The following OPCML variants were observed in gnomAD, a reference collection of about 807,000 sequenced individuals.
OPCML encodes the protein opioid binding protein/cell adhesion molecule like, also known as opioid-binding protein/cell adhesion molecule.
OPCML carries 13 observed loss-of-function variants against 37.8 expected under a neutral mutation model. The observed-to-expected ratio is 0.34, with a 90% CI of 0.22 to 0.55. The LOEUF is 0.55. OPCML is among the 20% of genes least tolerant of loss of function. The pLI, the probability that OPCML is intolerant of heterozygous loss-of-function variation, is 0.91. For missense variants in OPCML, 341 were observed against 435.6 expected, an observed-to-expected ratio of 0.78 and a Z score of 1.93; for synonymous variants, 176 against 168.8, an observed-to-expected ratio of 1.04 and a Z score of -0.33.
At chr11:133,245,995 C>T (rs1239407464) in intron 1 of OPCML, among the ~76,000 whole-genome samples, 5 of 151,944 alleles carry the variant, frequency 3.3e-5, no homozygotes, top group Non-Finnish European at 7.4e-5. Flanking sequence ...GGAGGGAGAG[C>T]ATTAGGACAA....
At chr11:133,256,040 G>T (rs1006313229) in intron 1 of OPCML, among the ~76,000 whole-genome samples, 1 of 152,154 alleles carries the variant, frequency 6.6e-6, no homozygotes, top group African/African-American at 2.4e-5. Context: ...TACAAAGGCG[G>T]CTAAGGCTAT....
intron 7 of OPCML, among the ~76,000 whole-genome samples, chr11:132,433,480 T>C (rs2096003982): frequency 6.6e-6 from 1 of 152,224 alleles, no homozygotes; most frequent in African/African-American, 2.4e-5. Context: ...CAGGCGTTAA[T>C]GTCCCAATAG....
At chr11:133,305,804 A>G (rs2136578043) in intron 1 of OPCML, among the ~76,000 whole-genome samples, 1 of 152,314 alleles carries the variant, frequency 6.6e-6, no homozygotes, top group South Asian at 2.1e-4. Flanking sequence ...TCATCTTAGA[A>G]TTACACAAGT....
intron 1 of OPCML, among the ~76,000 whole-genome samples, chr11:132,988,720 A>G (rs1347667308): frequency 6.6e-6 from 1 of 152,228 alleles, no homozygotes; most frequent in Non-Finnish European, 1.5e-5. Context: ...GAGGTCAGGA[A>G]TAGTGGGTTT....
intron 1 of OPCML, among the ~76,000 whole-genome samples, chr11:133,358,067 G>A (rs1944331568): frequency 6.6e-6 from 1 of 152,118 alleles, no homozygotes; most frequent in Non-Finnish European, 1.5e-5. Flanking sequence ...TCAGCTAACA[G>A]CAATATCGTC....
At chr11:132,933,096 C>T (rs1018688600) in intron 2 of OPCML, among the ~76,000 whole-genome samples, 4 of 152,178 alleles carry the variant, frequency 2.6e-5, no homozygotes, top group African/African-American at 9.7e-5. Context: ...ACTGTTTCCA[C>T]TGCACAGGTA....
intron 7 of OPCML, among the ~76,000 whole-genome samples, chr11:132,431,750 A>G (rs943684406): frequency 2.6e-5 from 4 of 152,152 alleles, no homozygotes; most frequent in Admixed American, 6.5e-5. Context: ...AAATATATAA[A>G]AGATGTAGTG....
intron 2 of OPCML, among the ~76,000 whole-genome samples, chr11:132,806,689 G>C (rs925516101): frequency 5.9e-5 from 9 of 152,122 alleles, no homozygotes; most frequent in African/African-American, 1.7e-4. Flanking sequence ...CTCAGTAATT[G>C]CTAGAAATGT....
rs1202121205 is a variant in OPCML at position 132,419,497 on chromosome 11, G to A, written c.*696C>T. 6.6e-6 allele frequency: 1 copy of A among 152,030 alleles called. No individual in the cohort carries two copies. The highest frequency in any genetic ancestry group is 1.9e-4 in the East Asian group (1 of 5,170). 9.4% of individuals were successfully genotyped at this position (152,030 alleles called of 1,614,324 possible). On this transcript the variant is annotated 3_prime_UTR_variant, in exon 8 of 8. Coordinates refer to ENST00000524381, the MANE Select transcript of OPCML (RefSeq NM_001012393.5). ...CTTCAAAATGCCTCCCCCTTTTTTGGTTACTTGACTTGCAAAATTTAGTGT... is the reference window on the plus strand; with the variant it reads ...CTTCAAAATGCCTCCCCCTTTTTTGATTACTTGACTTGCAAAATTTAGTGT...
intron 1 of OPCML, among the ~76,000 whole-genome samples, chr11:132,998,005 C>G (rs1242587701): frequency 6.6e-6 from 1 of 152,102 alleles, no homozygotes; most frequent in African/African-American, 2.4e-5. Flanking sequence ...AACATTCTTT[C>G]TCTTGCTAAC....
intron 1 of OPCML, among the ~76,000 whole-genome samples, chr11:133,477,091 C>G (rs1947256790): frequency 6.6e-6 from 1 of 152,130 alleles, no homozygotes; most frequent in South Asian, 2.1e-4. Context: ...TACAAGCCAG[C>G]AGTGCCCCCT....
chr11:133,118,170 T>A, intron 1 of OPCML: 1 of 915,708 alleles, frequency 1.1e-6, no homozygotes, highest in African/African-American at 1.8e-5. Context: ...TCTCTAAAAG[T>A]GGTAGTGCAG....
At chr11:133,035,707 C>T (rs1467832905) in intron 1 of OPCML, among the ~76,000 whole-genome samples, 1 of 152,052 alleles carries the variant, frequency 6.6e-6, no homozygotes, top group Non-Finnish European at 1.5e-5. Context: ...TGGAGATGGA[C>T]CTTTAAAGAG....
chr11:132,982,104 A>C (rs2136791730), intron 1 of OPCML, among the ~76,000 whole-genome samples: 1 of 152,084 alleles, frequency 6.6e-6, no homozygotes, highest in Admixed American at 6.5e-5. Flanking sequence ...CTGCTCTACT[A>C]AGATTTCCCC....
chr11:133,479,852 G>A (rs917631155), intron 1 of OPCML, among the ~76,000 whole-genome samples: 3 of 152,128 alleles, frequency 2.0e-5, no homozygotes, highest in Non-Finnish European at 2.9e-5. Flanking sequence ...AGCCACCACC[G>A]GCCTCTCCAC....
At chr11:132,605,426 T>C (rs1002106733) in intron 3 of OPCML, among the ~76,000 whole-genome samples, 3 of 149,696 alleles carry the variant, frequency 2.0e-5, no homozygotes, top group Admixed American at 6.7e-5. Flanking sequence ...TAGCTGAGTG[T>C]GATGGCACGC....
intron 1 of OPCML, among the ~76,000 whole-genome samples, chr11:133,037,709 C>T (rs1318711377): frequency 2.0e-5 from 3 of 152,212 alleles, no homozygotes; most frequent in East Asian, 3.8e-4. Flanking sequence ...CACCCTCTTG[C>T]GTTGGCAAGG....
At chr11:132,753,855 C>T (rs1421418639) in intron 2 of OPCML, among the ~76,000 whole-genome samples, 1 of 152,184 alleles carries the variant, frequency 6.6e-6, no homozygotes, top group Non-Finnish European at 1.5e-5. Context: ...CTTTAGCTCC[C>T]AGGTGTCTTT....
At chr11:132,934,957 T>C (rs1407316039) in intron 2 of OPCML, among the ~76,000 whole-genome samples, 1 of 151,940 alleles carries the variant, frequency 6.6e-6, no homozygotes, top group Non-Finnish European at 1.5e-5. Flanking sequence ...CTGACCAACA[T>C]AGAGAAACCC....
Sources: gnomAD v4.1 joint callset for allele counts (sites outside exome capture counted in the v4.1 genomes callset) on GRCh38, gnomAD v4.1.1 for gene constraint, MANE v1.5 for transcripts, NCBI Gene and HGNC (gene_info 2026-07-23, HGNC 2026-07-21) for gene names.